The following KIAA1328 variants were observed in gnomAD, a reference collection of about 807,000 sequenced individuals.
KIAA1328 encodes the protein protein hinderin.
Under a neutral mutation model 68.1 loss-of-function variants are expected in KIAA1328, and 52 were observed. The observed-to-expected ratio is 0.76, with a 90% CI of 0.61 to 0.96. The LOEUF (loss-of-function observed/expected upper bound fraction) is 0.96, where lower values mean the gene tolerates loss of function less well. Among genes scored for constraint, KIAA1328 ranks in the 40% least tolerant of loss-of-function variants. The pLI is 0.00. For missense variants in KIAA1328, 641 were observed against 677.6 expected (o/e 0.95, Z 0.60); for synonymous variants, 232 against 239.4 (o/e 0.97, Z 0.28).
At position 36,986,617 on chromosome 18, in the gene KIAA1328, T is replaced by A. The variant is rs373938280; in HGVS notation, c.576+27182T>A. On this transcript the variant is annotated intron_variant, in intron 6 of 9. Coordinates refer to ENST00000280020, the MANE Select transcript of KIAA1328 (RefSeq NM_020776.3). ...AAGGGCTAATATCCAGAATCTACAA[T>A]GAACTCAAACAAATTTACAAGAAAA... Among the ~76,000 whole-genome samples the A allele has an allele frequency of 5.7e-3, 282 of 49,060 alleles. 9 individuals carry two copies. The East Asian group carries it at 0.065, about 11-fold the overall frequency. 32.2% of individuals were successfully genotyped at this position (49,060 alleles called of 152,430 possible). A position where few individuals can be genotyped will look rare whatever the true frequency, so the allele number is the denominator to read the frequency against.
chr18:36,880,001 A>G (rs1267838461), intron 4 of KIAA1328, among the ~76,000 whole-genome samples: 1 of 152,186 alleles, frequency 6.6e-6, no homozygotes, highest in East Asian at 1.9e-4. Flanking sequence ...AAGGTGACTC[A>G]GCTCCCAGGC....
chr18:37,061,830 T>C (rs772199444), intron 6 of KIAA1328, among the ~76,000 whole-genome samples: 2 of 152,186 alleles, frequency 1.3e-5, no homozygotes, highest in Non-Finnish European at 1.5e-5. Flanking sequence ...TACCCCATCT[T>C]GAATTTTTCT....
rs539800531 is a variant in KIAA1328 at position 36,995,930 on chromosome 18, G to A, written c.576+36495G>A. ...GACAGAAGAACTTCCTTATTGTCTG[G>A]GGAGAAGTTGGCTGACAGCAATAAT... On this transcript the variant is annotated intron_variant, in intron 6 of 9. Transcript: ENST00000280020. 3.3e-5 allele frequency among the ~76,000 whole-genome samples: 5 copies of A among 152,238 alleles called. No individual in the cohort carries two copies. The East Asian group carries it at 9.7e-4, about 29-fold the overall frequency.
chr18:37,042,475 C>G (rs1395176820), intron 6 of KIAA1328, among the ~76,000 whole-genome samples: 2 of 152,110 alleles, frequency 1.3e-5, no homozygotes, highest in Admixed American at 1.3e-4. Context: ...GTCTATTTTG[C>G]CTTCATGCCT....
intron 6 of KIAA1328, among the ~76,000 whole-genome samples, chr18:37,062,751 G>A (rs899441032): frequency 2.6e-5 from 4 of 152,034 alleles, no homozygotes; most frequent in Admixed American, 2.0e-4. Context: ...CACCGCGCCC[G>A]GCCAATAGAT....
chr18:36,911,996 CTT>C (rs2049471461), intron 5 of KIAA1328, among the ~76,000 whole-genome samples: 1 of 152,042 alleles, frequency 6.6e-6, no homozygotes, highest in Non-Finnish European at 1.5e-5. Flanking sequence ...AATACTTATT[CTT>C]TCTCCATAGT....
At chr18:36,901,602 CCTTT>C (rs2049040983) in intron 5 of KIAA1328, among the ~76,000 whole-genome samples, 1 of 151,956 alleles carries the variant, frequency 6.6e-6, no homozygotes, top group African/African-American at 2.4e-5. Flanking sequence ...TGGACCTTTT[CCTTT>C]CTTATGTCTG....
chr18:36,988,612 A>G (rs1392336401), intron 6 of KIAA1328, among the ~76,000 whole-genome samples: 1 of 152,172 alleles, frequency 6.6e-6, no homozygotes, highest in Non-Finnish European at 1.5e-5. Flanking sequence ...GTCTTGCTCT[A>G]GGGCTTGCTA....
At chr18:36,937,920 G>A (rs2050565987) in intron 5 of KIAA1328, among the ~76,000 whole-genome samples, 1 of 152,032 alleles carries the variant, frequency 6.6e-6, no homozygotes, top group African/African-American at 2.4e-5. Context: ...TTTCATCTAT[G>A]TTGCTGCAAA....
At chr18:37,132,090 A>G (rs2058536174) in intron 7 of KIAA1328, among the ~76,000 whole-genome samples, 1 of 149,696 alleles carries the variant, frequency 6.7e-6, no homozygotes, top group Admixed American at 6.7e-5. Flanking sequence ...CCCAATGGCA[A>G]AAAAAAAAGG....
intron 5 of KIAA1328, chr18:36,925,010 C>T (rs1483028490): frequency 1.3e-5 from 2 of 152,080 alleles, no homozygotes; most frequent in Non-Finnish European, 2.9e-5. Context: ...ATTGGGCGTA[C>T]CCTTTGGGAG....
At chr18:36,851,059 T>C (rs141908962) in intron 4 of KIAA1328, among the ~76,000 whole-genome samples, 11 of 152,342 alleles carry the variant, frequency 7.2e-5, no homozygotes, top group Admixed American at 4.6e-4. Flanking sequence ...TCTGCCTCAA[T>C]TGATATGGTC....
At chr18:36,848,184 G>C (rs1483379185) in intron 4 of KIAA1328, among the ~76,000 whole-genome samples, 5 of 151,498 alleles carry the variant, frequency 3.3e-5, no homozygotes, top group African/African-American at 1.2e-4. Context: ...ACATTATCGA[G>C]TCTTTCAATT....
At chr18:37,030,788 T>C (rs940780880) in intron 6 of KIAA1328, among the ~76,000 whole-genome samples, 1 of 152,162 alleles carries the variant, frequency 6.6e-6, no homozygotes, top group African/African-American at 2.4e-5. Context: ...ACCCATTAAC[T>C]CATCATTTAC....
chr18:37,200,424 G>T (rs1330985527), intron 9 of KIAA1328, among the ~76,000 whole-genome samples: 1 of 152,160 alleles, frequency 6.6e-6, no homozygotes, highest in Non-Finnish European at 1.5e-5. Flanking sequence ...TTAATTTAGA[G>T]TCCACCTAGC....
intron 1 of KIAA1328, among the ~76,000 whole-genome samples, chr18:36,829,680 C>T (rs141805432): frequency 2.0e-5 from 3 of 152,302 alleles, no homozygotes; most frequent in Admixed American, 6.5e-5. Flanking sequence ...AAAGGCCCTC[C>T]AGTGATGATG....
intron 6 of KIAA1328, among the ~76,000 whole-genome samples, chr18:36,995,316 C>T (rs965694401): frequency 2.6e-5 from 4 of 152,238 alleles, no homozygotes; most frequent in Middle Eastern, 3.4e-3. Flanking sequence ...CATAGTATTC[C>T]ATGGAGTATA....
At chr18:36,937,219 T>C (rs2151170122) in intron 5 of KIAA1328, among the ~76,000 whole-genome samples, 1 of 152,266 alleles carries the variant, frequency 6.6e-6, no homozygotes, top group East Asian at 1.9e-4. Flanking sequence ...TCAAGATGGA[T>C]TAAAGACTTA....
intron 8 of KIAA1328, among the ~76,000 whole-genome samples, chr18:37,162,297 A>C (rs1301577701): frequency 1.3e-5 from 2 of 151,766 alleles, no homozygotes; most frequent in Non-Finnish European, 2.9e-5. Flanking sequence ...AAAAAAAGAA[A>C]CTTTTTCATC....
Sources: allele counts gnomAD v4.1 joint callset (sites outside exome capture counted in the v4.1 genomes callset), GRCh38; gene constraint gnomAD v4.1.1; transcripts MANE v1.5; gene names NCBI Gene and HGNC (gene_info 2026-07-23, HGNC 2026-07-21).